The following SLC1A2 variants were observed in gnomAD, a reference collection of about 807,000 sequenced individuals.
SLC1A2 encodes solute carrier family 1 member 2.
Under a neutral mutation model 48.8 loss-of-function variants are expected in SLC1A2, and 15 were observed. That is an observed-to-expected ratio of 0.31 (90% CI 0.21 to 0.47). SLC1A2 has a LOEUF of 0.47. Among genes scored for constraint, SLC1A2 ranks in the 20% least tolerant of loss-of-function variants. The pLI is 0.99. For synonymous variants in SLC1A2, 279 were observed against 272.6 expected (o/e 1.02, Z -0.23); for missense variants, 502 against 730.5 (o/e 0.69, Z 3.61).
chr11:35,263,559 C>G lies in SLC1A2; in HGVS notation c.1653+1968G>C, dbSNP rs183755304. ...AGTCTGAAATCTAAAGACATCTCCA[C>G]GCCCACACCTTCTTTTTCAAAAAGT... On this transcript the variant is annotated intron_variant, in intron 10 of 10. Coordinates refer to ENST00000278379, the MANE Select transcript of SLC1A2 (RefSeq NM_004171.4). Among the ~76,000 whole-genome samples the G allele has an allele frequency of 2.6e-5, 4 of 152,306 alleles. No homozygotes were observed. In the East Asian group the frequency reaches 7.7e-4, roughly 29 times the overall value.
rs1328728745 is a variant in SLC1A2 at position 35,256,875 on chromosome 11, AC to A, written c.*4018del. 1 of 152,090 alleles carries A rather than the reference AC, an allele frequency of 6.6e-6. No homozygotes were observed. Among genetic ancestry groups the A allele is most frequent in the Admixed American group, 6.6e-5 (1 of 15,242 alleles). The allele number at this position is 152,090 out of a possible 1,614,324, so 9.4% of individuals were successfully genotyped here. On this transcript the variant is annotated 3_prime_UTR_variant, in exon 11 of 11. Transcript: ENST00000278379. ...ATCAAACTAGATGAGAGCTAATGAG[AC>A]TTGTTTTTCAGGAGTCAGAACTATG...
intron 1 of SLC1A2, among the ~76,000 whole-genome samples, chr11:35,364,748 T>C (rs1312660254): frequency 1.3e-5 from 2 of 152,352 alleles, no homozygotes; most frequent in Middle Eastern, 6.8e-3. Flanking sequence ...GAACATCACC[T>C]GCACTCAATA....
At chr11:35,286,528 A>T (rs1382160721) in intron 8 of SLC1A2, 1 of 375,122 alleles carries the variant, frequency 2.7e-6, no homozygotes, top group Non-Finnish European at 4.8e-6. Context: ...AATAATATCC[A>T]ATTTCTAAAG....
At chr11:35,419,752 T>C (rs1378734290), upstream of SLC1A2, 1 of 261,720 alleles carries the variant, frequency 3.8e-6, no homozygotes, top group Admixed American at 5.0e-5. The surrounding 1 kb of genome is among the most constrained non-coding windows in gnomAD (Gnocchi z 5.4). Context: ...AGCTATTGTT[T>C]CCCCTGAAGC....
At position 35,253,982 on chromosome 11, in the gene SLC1A2, T is replaced by A. The variant is rs1950277869; in HGVS notation, c.*6912A>T. 6.6e-6 allele frequency: 1 copy of A among 152,408 alleles called. No individual in the cohort carries two copies. The highest frequency in any genetic ancestry group is 2.4e-5 in the African/African-American group (1 of 41,456). The allele number at this position is 152,408 out of a possible 1,614,324, so 9.4% of individuals were successfully genotyped here. On this transcript the variant is annotated 3_prime_UTR_variant, in exon 11 of 11. Coordinates refer to ENST00000278379, the MANE Select transcript of SLC1A2 (RefSeq NM_004171.4). ...TACATTTTCTAATGCTCTTTATAAA[T>A]AATAGCAAACAAGCTAGGGGATTTG...
At chr11:35,335,494 G>A (rs1283470201) in intron 1 of SLC1A2, among the ~76,000 whole-genome samples, 1 of 152,198 alleles carries the variant, frequency 6.6e-6, no homozygotes, top group Non-Finnish European at 1.5e-5. Flanking sequence ...CTGTGTTGAT[G>A]ATCCAGACCC....
intron 1 of SLC1A2, among the ~76,000 whole-genome samples, chr11:35,413,452 T>C (rs1855524046): frequency 6.6e-6 from 1 of 152,190 alleles, no homozygotes; most frequent in South Asian, 2.1e-4. Context: ...ATTAAATAAA[T>C]TGATACACAT....
At chr11:35,293,579 C>A (rs1339843532) in intron 6 of SLC1A2, among the ~76,000 whole-genome samples, 1 of 152,132 alleles carries the variant, frequency 6.6e-6, no homozygotes. Flanking sequence ...TGAATTTGTT[C>A]AGCCTGTGAC....
At position 35,264,548 on chromosome 11, in the gene SLC1A2, A is replaced by C. The variant is rs1044700370; in HGVS notation, c.1653+979T>G. On this transcript the variant is annotated intron_variant, in intron 10 of 10. Transcript: ENST00000278379. ...CTTTGACAATGTCAAATTAGTTACAATGAAGGCTAGACAGAGCCCATCAAG... is the reference window on the plus strand; with the variant it reads ...CTTTGACAATGTCAAATTAGTTACACTGAAGGCTAGACAGAGCCCATCAAG... Among the ~76,000 whole-genome samples, 11 of 152,328 alleles carry C rather than the reference A, an allele frequency of 7.2e-5. No homozygotes were observed. The South Asian group carries it at 2.3e-3, about 32-fold the overall frequency.
intron 5 of SLC1A2, 54 bp from the exon 6 acceptor site, chr11:35,301,699 T>C: frequency 1.3e-6 from 2 of 1,554,214 alleles, no homozygotes; most frequent in Non-Finnish European, 1.8e-6. Context: ...ATGTACTTTT[T>C]CTCCCTCATT....
At chr11:35,362,270 A>G (rs892838906) in intron 1 of SLC1A2, among the ~76,000 whole-genome samples, 1 of 152,202 alleles carries the variant, frequency 6.6e-6, no homozygotes, top group African/African-American at 2.4e-5. Context: ...TGGCTCTTTC[A>G]TAGCTGTCTC....
chr11:35,271,702 G>T (rs1183969188), intron 9 of SLC1A2, among the ~76,000 whole-genome samples: 2 of 152,130 alleles, frequency 1.3e-5, no homozygotes, highest in African/African-American at 4.8e-5. Flanking sequence ...AATTAGCCGG[G>T]TGTGGTGTCG....
chr11:35,265,848 T>A, intron 9 of SLC1A2, 90 bp from the exon 10 acceptor site: 2 of 760,644 alleles, frequency 2.6e-6, no homozygotes, highest in South Asian at 3.4e-5. Flanking sequence ...AGACATAGGG[T>A]TGAGTACTGG....
At chr11:35,333,827 A>ATTTTTTTT (rs373988431) in intron 1 of SLC1A2, among the ~76,000 whole-genome samples, 266 of 126,090 alleles carry the variant, frequency 2.1e-3, no homozygotes, top group African/African-American at 3.0e-3. Flanking sequence ...ATGCCAGCTA[A>ATTTTTTTT]TTTTTTTTTT....
At chr11:35,281,062 G>A (rs1331022206) in intron 8 of SLC1A2, 61 bp from the exon 9 acceptor site, 2 of 1,467,128 alleles carry the variant, frequency 1.4e-6, no homozygotes, top group Non-Finnish European at 1.8e-6. Context: ...AACCAACCCT[G>A]GCAATTTTAA....
intron 1 of SLC1A2, among the ~76,000 whole-genome samples, chr11:35,391,962 G>A (rs1259527453): frequency 6.6e-6 from 1 of 152,156 alleles, no homozygotes; most frequent in Non-Finnish European, 1.5e-5. Flanking sequence ...TAGGCTAGAA[G>A]TCCAATGCGC....
At position 35,306,146 on chromosome 11, in the gene SLC1A2, T is replaced by C. The variant is rs1407055708; in HGVS notation, c.658A>G (p.Thr220Ala). The change falls in exon 5 of 11, where the codon ACT becomes GCT. Residue 220 changes from threonine (T) to alanine (A), a missense_variant. This residue lies in a region of SLC1A2 where 309 missense variants were observed against 480.3 expected (regional missense o/e 0.64). Transcript: ENST00000278379. ...AVVSLLNETV[T>A]EVPEETKMVI... ...ATCTTAGTCTCCTCCGGCACCTCAGTCACAGTCTCGTTCAACAGAGAGACA... is the reference window on the plus strand; with the variant it reads ...ATCTTAGTCTCCTCCGGCACCTCAGCCACAGTCTCGTTCAACAGAGAGACA... 3 of 1,614,092 alleles carry C rather than the reference T, an allele frequency of 1.9e-6. No homozygotes were observed. Among genetic ancestry groups the C allele is most frequent in the East Asian group, 2.2e-5 (1 of 44,888 alleles).
intron 1 of SLC1A2, among the ~76,000 whole-genome samples, chr11:35,342,480 AT>A (rs1194661039): frequency 6.6e-6 from 1 of 151,884 alleles, no homozygotes; most frequent in Non-Finnish European, 1.5e-5. Flanking sequence ...ACCAGAGTTT[AT>A]TTCTCTCAGA....
At chr11:35,391,657 A>G (rs1343779120) in intron 1 of SLC1A2, 6 of 152,238 alleles carry the variant, frequency 3.9e-5, no homozygotes, top group Non-Finnish European at 7.3e-5. Flanking sequence ...GGATCTCCTC[A>G]GGGAATTTAA....
Sources: allele counts gnomAD v4.1 joint callset (sites outside exome capture counted in the v4.1 genomes callset), GRCh38; gene constraint gnomAD v4.1.1; regional missense constraint gnomAD v4.1.1; non-coding constraint Gnocchi (gnomAD v3.1); transcripts MANE v1.5; gene names NCBI Gene and HGNC (gene_info 2026-07-23, HGNC 2026-07-21).